Variants in ULK4 observed in about 807,000 individuals in gnomAD.
ULK4 encodes the protein unc-51 like kinase 4, also known as inactive serine/threonine-protein kinase ULK4.
ULK4 carries 133 observed loss-of-function variants against 160.6 expected under a neutral mutation model. That is an observed-to-expected ratio of 0.83 (90% CI 0.72 to 0.96). ULK4 has a LOEUF of 0.96. Ranked by LOEUF, ULK4 falls within the 40% of genes least tolerant of loss-of-function variation. The probability of loss-of-function intolerance (pLI) is 0.00; values close to 1 mark genes in which losing one functional copy is unlikely to be tolerated. For synonymous variants in ULK4, 534 were observed against 539.8 expected (o/e 0.99, Z 0.15); for missense variants, 1,580 against 1,499.5 (o/e 1.05, Z -0.89).
chr3:41,311,942 A>G (rs1203978486), intron 35 of ULK4, among the ~76,000 whole-genome samples: 1 of 138,380 alleles, frequency 7.2e-6, no homozygotes, highest in Non-Finnish European at 1.5e-5. Context: ...AACAGAGGAC[A>G]TATTTCTTCT....
At chr3:41,301,617 A>C (rs959090779) in intron 35 of ULK4, among the ~76,000 whole-genome samples, 1 of 152,244 alleles carries the variant, frequency 6.6e-6, no homozygotes, top group Non-Finnish European at 1.5e-5. Flanking sequence ...AAAGGCATAC[A>C]TCTGAGGAAA....
chr3:41,541,848 A>G (rs11129917), intron 32 of ULK4, among the ~76,000 whole-genome samples: 77,683 of 151,874 alleles, frequency 0.51, 19,973 homozygotes, highest in Middle Eastern at 0.57. Flanking sequence ...GAACACTTGT[A>G]ATTTTTGCAC....
chr3:41,617,034 G>C (rs2033009790), intron 30 of ULK4, among the ~76,000 whole-genome samples: 4 of 152,174 alleles, frequency 2.6e-5, no homozygotes, highest in Admixed American at 2.0e-4. Context: ...AGCAGCTGTG[G>C]CCAGACTGCT....
chr3:41,365,417 T>C (rs1319933932), intron 35 of ULK4, among the ~76,000 whole-genome samples: 1 of 152,230 alleles, frequency 6.6e-6, no homozygotes, highest in Non-Finnish European at 1.5e-5. Context: ...CAAAAAGTAT[T>C]ATGTATCTGG....
intron 21 of ULK4, among the ~76,000 whole-genome samples, chr3:41,768,285 T>C (rs1332333264): frequency 1.3e-5 from 2 of 152,194 alleles, no homozygotes; most frequent in East Asian, 3.8e-4. Flanking sequence ...TTTTAACATC[T>C]AATAACAAGA....
chr3:41,388,102 A>AT (rs1272508761), intron 35 of ULK4, among the ~76,000 whole-genome samples: 1 of 152,032 alleles, frequency 6.6e-6, no homozygotes, highest in African/African-American at 2.4e-5. Flanking sequence ...TGTGGTTTTG[A>AT]TTTGCATTTC....
chr3:41,919,655 G>T (rs1575950137), intron 6 of ULK4, 62 bp downstream of exon 6: 1 of 1,385,446 alleles, frequency 7.2e-7, no homozygotes, highest in Non-Finnish European at 1.0e-6. Flanking sequence ...CATCTGCAAA[G>T]TACAGACTTA....
At chr3:41,421,058 G>A (rs999437499) in intron 34 of ULK4, among the ~76,000 whole-genome samples, 9 of 151,806 alleles carry the variant, frequency 5.9e-5, no homozygotes, top group South Asian at 2.1e-4. Context: ...AGGTTGCAAT[G>A]AGCTGAGATC....
intron 31 of ULK4, among the ~76,000 whole-genome samples, chr3:41,572,650 C>CA (rs911700520): frequency 6.6e-6 from 1 of 151,248 alleles, no homozygotes; most frequent in African/African-American, 2.4e-5. Context: ...CCTGTAGTCC[C>CA]AGCTACTGAG....
At position 41,295,694 on chromosome 3, in the gene ULK4, T is replaced by C. The variant is rs557597279; in HGVS notation, c.3679-46120A>G. ...CATATGAAAAGATGCTCCACATCGT[T>C]TGACATCAAGAAATGTAAATTAAAA... On this transcript the variant is annotated intron_variant, in intron 35 of 36. Coordinates refer to ENST00000301831, the MANE Select transcript of ULK4 (RefSeq NM_017886.4). 9.6e-4 allele frequency among the ~76,000 whole-genome samples: 73 copies of C among 76,090 alleles called. 18 individuals are homozygous for C. In the South Asian group the frequency reaches 0.033, roughly 34 times the overall value. The allele number at this position is 76,090 out of a possible 152,430, so 49.9% of individuals were successfully genotyped here. A position where few individuals can be genotyped will look rare whatever the true frequency, so the allele number is the denominator to read the frequency against.
chr3:41,752,892 T>C (rs1487709275), intron 22 of ULK4, among the ~76,000 whole-genome samples: 1 of 152,140 alleles, frequency 6.6e-6, no homozygotes, highest in Non-Finnish European at 1.5e-5. Context: ...TTTCATTCAG[T>C]TAATATTGGT....
At chr3:41,364,813 C>G (rs2081222033) in intron 35 of ULK4, among the ~76,000 whole-genome samples, 2 of 152,048 alleles carry the variant, frequency 1.3e-5, no homozygotes, top group South Asian at 4.1e-4. Context: ...AAAAGTGAAA[C>G]TCTCAGATAC....
chr3:41,918,592 A>ATTTTTTTTTTT (rs1385996163), intron 6 of ULK4, 52 bp from the exon 7 acceptor site: 1 of 637,018 alleles, frequency 1.6e-6, no homozygotes, highest in African/African-American at 2.1e-5. Flanking sequence ...ATCACCAATA[A>ATTTTTTTTTTT]TTCTTTTTTT....
intron 35 of ULK4, among the ~76,000 whole-genome samples, chr3:41,372,736 C>T (rs557144022): frequency 2.8e-4 from 42 of 152,208 alleles, no homozygotes; most frequent in African/African-American, 9.9e-4. Flanking sequence ...CATCAACTAA[C>T]GGGCAAAATA....
At chr3:41,596,568 T>C (rs2031704250) in intron 31 of ULK4, among the ~76,000 whole-genome samples, 3 of 151,988 alleles carry the variant, frequency 2.0e-5, no homozygotes, top group Admixed American at 2.0e-4. Context: ...GACATTTCTG[T>C]GAGGGTAAAG....
chr3:41,938,875 G>A (rs1401548343), intron 2 of ULK4, among the ~76,000 whole-genome samples: 4 of 151,936 alleles, frequency 2.6e-5, no homozygotes, highest in African/African-American at 7.3e-5. Flanking sequence ...GCTACACTAA[G>A]ACACACTACT....
chr3:41,484,666 A>T (rs890592427), intron 32 of ULK4, among the ~76,000 whole-genome samples: 30 of 152,118 alleles, frequency 2.0e-4, no homozygotes, highest in African/African-American at 7.0e-4. Context: ...GTTAGCCAGG[A>T]TGGTCTTGAT....
intron 35 of ULK4, among the ~76,000 whole-genome samples, chr3:41,284,967 A>G (rs572969685): frequency 6.6e-6 from 1 of 152,218 alleles, no homozygotes; most frequent in Admixed American, 6.5e-5. Context: ...AGATATACAA[A>G]TGGCCAACAA....
chr3:41,593,726 T>C (rs2031506220), intron 31 of ULK4, among the ~76,000 whole-genome samples: 1 of 152,152 alleles, frequency 6.6e-6, no homozygotes, highest in African/African-American at 2.4e-5. Context: ...AATGTACCAC[T>C]CGTGTAAAAA....
Sources: allele counts gnomAD v4.1 joint callset (sites outside exome capture counted in the v4.1 genomes callset), GRCh38; gene constraint gnomAD v4.1.1; transcripts MANE v1.5; gene names NCBI Gene and HGNC (gene_info 2026-07-23, HGNC 2026-07-21).